Variants in ROS1 observed in about 807,000 individuals in gnomAD.
ROS1 encodes proto-oncogene tyrosine-protein kinase ROS.
In ROS1, 263 loss-of-function variants were observed where a neutral mutation model predicts 273.5. That is an observed-to-expected ratio of 0.96 (90% CI 0.87 to 1.06). ROS1 has a LOEUF of 1.06. ROS1 is among the 50% of genes least tolerant of loss of function. The pLI is 0.00. For synonymous variants in ROS1, 1,008 were observed against 954.1 expected, an observed-to-expected ratio of 1.06 and a Z score of -1.04; for missense variants, 2,833 against 2,751.1, an observed-to-expected ratio of 1.03 and a Z score of -0.67.
At position 117,301,024 on chromosome 6, in the gene ROS1, T is replaced by A; in HGVS notation, c.6665A>T (p.Lys2222Met). 6.2e-6 allele frequency: 10 copies of A among 1,603,746 alleles called. No individual in the cohort carries two copies. Among genetic ancestry groups the A allele is most frequent in the Non-Finnish European group, 7.7e-6 (9 of 1,175,948 alleles). Residue 2222 changes from lysine to methionine, a missense_variant, in exon 43 of 44, where the codon AAG becomes ATG. Physicochemically the swap from Lys to Met is moderately conservative, Grantham distance 95. Transcript: ENST00000368507. ...ACTGTTGTTTGCTTCATCTCTGGAC[T>A]TATAAATGCTATTTAAGAAAAAATT... ...FRNFFLNSIY[K>M]SRDEANNSGV...
At position 117,375,295 on chromosome 6, in the gene ROS1, G is replaced by T. The variant is rs114048371; in HGVS notation, c.2582+3764C>A. The stretch of plus-strand genomic sequence containing the variant: ...TGGACTTTGGGGATTTGGAGTAAAG[G>T]GTGGGAGGAGGGTGAGGGATAAAAG... On this transcript the variant is annotated intron_variant, in intron 18 of 43. Transcript: ENST00000368507. Among the ~76,000 whole-genome samples the T allele has an allele frequency of 3.3e-3, 500 of 152,284 alleles. 7 individuals carry two copies. The highest frequency in any genetic ancestry group is 0.012 in the African/African-American group (486 of 41,562).
intron 42 of ROS1, among the ~76,000 whole-genome samples, chr6:117,304,629 A>T (rs1774970486): frequency 6.6e-6 from 1 of 152,162 alleles, no homozygotes; most frequent in Non-Finnish European, 1.5e-5. Flanking sequence ...GAGACATGAA[A>T]CTATCCCTTT....
At chr6:117,381,235 A>T (rs1164789214) in intron 17 of ROS1, among the ~76,000 whole-genome samples, 1 of 140,496 alleles carries the variant, frequency 7.1e-6, no homozygotes, top group African/African-American at 2.7e-5. Context: ...TTATATATAT[A>T]TTTTTAACTT....
intron 5 of ROS1, among the ~76,000 whole-genome samples, chr6:117,407,486 T>G (rs761892764): frequency 2.0e-5 from 3 of 152,174 alleles, no homozygotes; most frequent in Non-Finnish European, 4.4e-5. Flanking sequence ...AATCTAACAC[T>G]GAGAAGCATA....
Position 117,425,588 on chromosome 6 carries a change from A to G in ROS1, c.69T>C (p.Ser23=). The change falls in exon 1 of 44, where the codon TCT becomes TCC. Residue 23 remains serine (S), a synonymous_variant. Transcript: ENST00000368507. ...TATTTAAAACTGTACACTGCACCAC[A>G]GAAATCCATAGGCAGCCAAGAGTTG... ...NFATLGCLWI[S]VVQCTVLNSC... is the part of the protein sequence containing the mutation. The G allele has an allele frequency of 6.2e-7, 1 of 1,612,714 alleles. No individual in the cohort carries two copies. Among genetic ancestry groups the G allele is most frequent in the East Asian group, 2.2e-5 (1 of 44,824 alleles).
At chr6:117,297,068 A>G (rs879802197) in intron 43 of ROS1, among the ~76,000 whole-genome samples, 1 of 152,362 alleles carries the variant, frequency 6.6e-6, no homozygotes, top group African/African-American at 2.4e-5. Context: ...ATAAAGCCAC[A>G]TATTTATAGC....
rs780260360 is a variant in ROS1 at position 117,366,179 on chromosome 6, A to C, written c.2694T>G (p.Ile898Met). The C allele has an allele frequency of 1.2e-6, 2 of 1,614,092 alleles. No homozygotes were observed. The highest frequency in any genetic ancestry group is 1.7e-6 in the Non-Finnish European group (2 of 1,179,984). The stretch of plus-strand genomic sequence containing the variant: ...TCTGACCTATTTCTTGAGTTGTGAT[A>C]ATCCTAAAGCCATTGATCCAGAACA... ...GRLFWINGFR[I>M]ITTQEIGQKT... Residue 898 changes from isoleucine (I) to methionine (M), a missense_variant, in exon 19 of 44, where the codon ATT (isoleucine) becomes ATG (methionine). Physicochemically the swap from Ile to Met is conservative, Grantham distance 10 (BLOSUM62 1). Coordinates refer to ENST00000368507, the MANE Select transcript of ROS1 (RefSeq NM_001378902.1).
Position 117,318,168 on chromosome 6 carries a change from G to A in ROS1, c.5987+20C>T. On this transcript the variant is annotated intron_variant, in intron 38 of 43. Coordinates refer to ENST00000368507, the MANE Select transcript of ROS1 (RefSeq NM_001378902.1). ...TTAAAACTTCTTACCCATACCAGGAGAAAATTATTTCAGAGCTACCTCATC... is the reference window on the plus strand; with the variant it reads ...TTAAAACTTCTTACCCATACCAGGAAAAAATTATTTCAGAGCTACCTCATC... 6.2e-7 allele frequency: 1 copy of A among 1,603,146 alleles called. No individual in the cohort carries two copies. The highest frequency in any genetic ancestry group is 8.5e-7 in the Non-Finnish European group (1 of 1,170,814).
rs138376257 is a variant in ROS1 at position 117,310,139 on chromosome 6, G to C, written c.6358C>G (p.Arg2120Gly). 6.2e-7 allele frequency: 1 copy of C among 1,613,378 alleles called. No homozygotes were observed. The highest frequency in any genetic ancestry group is 8.5e-7 in the Non-Finnish European group (1 of 1,179,588). Residue 2120 changes from arginine (R) to glycine (G), a missense_variant, in exon 41 of 44, where the codon CGG (arginine) becomes GGG (glycine). By Grantham distance (125) the Arg-to-Gly change is moderately radical (BLOSUM62 -2). Coordinates refer to ENST00000368507, the MANE Select transcript of ROS1 (RefSeq NM_001378902.1). ...ATCAAACTTTCTGGAGCCATCCACCGAACTGGGAGCAGGCCTTCCCCTCTC... is the reference window on the plus strand; with the variant it reads ...ATCAAACTTTCTGGAGCCATCCACCCAACTGGGAGCAGGCCTTCCCCTCTC... ...RKRGEGLLPV[R>G]WMAPESLMDG...
At chr6:117,396,404 G>A in intron 8 of ROS1, 140 bp from the exon 9 acceptor site, 1 of 656,596 alleles carries the variant, frequency 1.5e-6, no homozygotes, top group Non-Finnish European at 2.8e-6. Context: ...CCACTGCTCA[G>A]CACCGAAATG....
chr6:117,291,283 A>G (rs968067562), intron 43 of ROS1, among the ~76,000 whole-genome samples: 1 of 152,120 alleles, frequency 6.6e-6, no homozygotes, highest in Admixed American at 6.5e-5. Flanking sequence ...TTCCCTGTTA[A>G]ATTCTTCCTG....
chr6:117,387,560 C>T (rs1019700640), intron 14 of ROS1, among the ~76,000 whole-genome samples: 1 of 152,158 alleles, frequency 6.6e-6, no homozygotes, highest in Non-Finnish European at 1.5e-5. Context: ...TTTAAAATGG[C>T]AGGTTAGAAA....
At chr6:117,303,949 C>T (rs1160231171) in intron 42 of ROS1, among the ~76,000 whole-genome samples, 2 of 152,136 alleles carry the variant, frequency 1.3e-5, no homozygotes, top group East Asian at 3.9e-4. Context: ...ATATGGCATA[C>T]AAACTCCACT....
At position 117,416,331 on chromosome 6, in the gene ROS1, T is replaced by A; in HGVS notation, c.169-14A>T. The A allele has an allele frequency of 6.4e-7, 1 of 1,563,432 alleles. No homozygotes were observed. The highest frequency in any genetic ancestry group is 8.8e-7 in the Non-Finnish European group (1 of 1,134,100). The stretch of plus-strand genomic sequence containing the variant: ...TCCTTGGATACACTGCAAGAGACAA[T>A]AACAGACAATGGTGAGTGATTGAAG... On this transcript the variant is annotated splice_polypyrimidine_tract_variant and intron_variant, in intron 2 of 43. Transcript: ENST00000368507.
chr6:117,316,019 A>C (rs1775893050), intron 39 of ROS1, among the ~76,000 whole-genome samples: 1 of 152,180 alleles, frequency 6.6e-6, no homozygotes, highest in Non-Finnish European at 1.5e-5. Context: ...TGGATAATTC[A>C]GCTCTAAAAA....
intron 39 of ROS1, among the ~76,000 whole-genome samples, chr6:117,315,457 G>A (rs1043069893): frequency 6.6e-6 from 1 of 152,056 alleles, no homozygotes; most frequent in African/African-American, 2.4e-5. Flanking sequence ...AATTTTTGAA[G>A]GGGAGGAGGC....
intron 43 of ROS1, among the ~76,000 whole-genome samples, chr6:117,289,844 G>C (rs964296531): frequency 6.6e-6 from 1 of 152,088 alleles, no homozygotes; most frequent in Non-Finnish European, 1.5e-5. Context: ...ACCTGTGGAA[G>C]GTATTCAACT....
chr6:117,390,030 A>G (rs1201177050), intron 12 of ROS1, among the ~76,000 whole-genome samples, 184 bp from the exon 13 acceptor site: 9 of 152,260 alleles, frequency 5.9e-5, no homozygotes, highest in Admixed American at 4.6e-4. Flanking sequence ...TTAAGTTACA[A>G]GTTGGAACAT....
rs369993254 is a variant in ROS1, at chr6:117,337,265, G to C, written c.5137C>G (p.Leu1713Val). ...GPAYVCNITN[L>V]QPYTSYNVRV... ...ACATTATATGAAGTATAAGGTTGTA[G>C]ATTTGTGATATTACAGACATAAGCA... The change falls in exon 32 of 44, where the codon CTA becomes GTA. Residue 1713 changes from leucine to valine, a missense_variant. Coordinates refer to ENST00000368507, the MANE Select transcript of ROS1 (RefSeq NM_001378902.1). 1 of 1,612,534 alleles carries C rather than the reference G, an allele frequency of 6.2e-7. No homozygotes were observed.
Sources: allele counts gnomAD v4.1 joint callset (sites outside exome capture counted in the v4.1 genomes callset), GRCh38; gene constraint gnomAD v4.1.1; transcripts MANE v1.5; gene names NCBI Gene and HGNC (gene_info 2026-07-23, HGNC 2026-07-21).